The following SEC61A2 variants were observed in gnomAD, a reference collection of about 807,000 sequenced individuals.
SEC61A2 encodes protein transport protein Sec61 subunit alpha isoform 2.
Under a neutral mutation model 59.9 loss-of-function variants are expected in SEC61A2, and 28 were observed. The observed-to-expected ratio is 0.47, with a 90% CI of 0.35 to 0.64. The LOEUF (loss-of-function observed/expected upper bound fraction) is 0.64. SEC61A2 is among the 30% of genes least tolerant of loss of function. SEC61A2 has a pLI of 0.01. For synonymous variants in SEC61A2, 202 were observed against 214.4 expected (o/e 0.94, Z 0.50); for missense variants, 340 against 585.9 (o/e 0.58, Z 4.33).
At chr10:12,134,566 T>G (rs1833840417) in intron 2 of SEC61A2, among the ~76,000 whole-genome samples, 1 of 152,154 alleles carries the variant, frequency 6.6e-6, no homozygotes, top group South Asian at 2.1e-4. Flanking sequence ...TTATGAAAAG[T>G]AAAGAAACTT....
rs745753102 is a variant in SEC61A2, at chr10:12,155,961, C to T, written c.616+30C>T. The T allele has an allele frequency of 3.1e-6, 5 of 1,612,918 alleles. No homozygotes were observed. Among genetic ancestry groups the T allele is most frequent in the African/African-American group, 1.3e-5 (1 of 74,912 alleles). On this transcript the variant is annotated intron_variant, in intron 7 of 11. Coordinates refer to ENST00000298428, the MANE Select transcript of SEC61A2 (RefSeq NM_018144.4). The surrounding 1 kb of genome is among the most constrained non-coding windows in gnomAD (Gnocchi z 4.3). The stretch of plus-strand genomic sequence containing the variant: ...ATCGCACAGCGACTGCAACTGCACG[C>T]GTTTTGCTGGATGTGTGCTGGGAAC...
rs1376786699 is a variant in SEC61A2 at position 12,154,682 on chromosome 10, A to G, written c.463-1096A>G. On this transcript the variant is annotated intron_variant, in intron 6 of 11. Coordinates refer to ENST00000298428, the MANE Select transcript of SEC61A2 (RefSeq NM_018144.4). The surrounding 1 kb of genome is among the most constrained non-coding windows in gnomAD (Gnocchi z 5.2). ...ATTGAAACTCAGACTAAAAGCCTGT[A>G]AATAGACAAGTTAGGCTCTGTCCAA... 6.6e-6 allele frequency among the ~76,000 whole-genome samples: 1 copy of G among 152,246 alleles called. No individual in the cohort carries two copies. The highest frequency in any genetic ancestry group is 1.9e-4 in the East Asian group (1 of 5,206).
chr10:12,132,613 CAAA>C (rs58070623), intron 1 of SEC61A2, among the ~76,000 whole-genome samples: 128 of 135,214 alleles, frequency 9.5e-4, no homozygotes, highest in South Asian at 4.0e-3. Context: ...GACTCTGTCT[CAAA>C]AAAAAAAAAA....
At chr10:12,137,598 C>A (rs1293432116) in intron 3 of SEC61A2, among the ~76,000 whole-genome samples, 4 of 152,198 alleles carry the variant, frequency 2.6e-5, no homozygotes, top group Non-Finnish European at 1.5e-5. Flanking sequence ...AGCCACCACA[C>A]CCAGCCCAAT....
intron 3 of SEC61A2, among the ~76,000 whole-genome samples, chr10:12,138,606 T>TC (rs1564408054): frequency 6.6e-6 from 1 of 152,244 alleles, no homozygotes; most frequent in Non-Finnish European, 1.5e-5. Flanking sequence ...TTCTAGAGCT[T>TC]CATGTAAATG....
intron 3 of SEC61A2, among the ~76,000 whole-genome samples, chr10:12,137,305 T>G (rs1298540677): frequency 1.3e-5 from 2 of 152,140 alleles, no homozygotes; most frequent in African/African-American, 4.8e-5. Context: ...TTGATGATAG[T>G]GTTTTTTTGG....
intron 3 of SEC61A2, 49 bp downstream of exon 3, chr10:12,136,219 T>C (rs1184843303): frequency 8.3e-7 from 1 of 1,210,490 alleles, no homozygotes; most frequent in East Asian, 2.3e-5. Context: ...GTTCTAAGGT[T>C]TTGATTGGTT....
chr10:12,164,123 C>T lies in SEC61A2; in HGVS notation c.1245-145C>T, dbSNP rs1283946972. The T allele has an allele frequency of 1.2e-6, 1 of 833,976 alleles. No homozygotes were observed. The highest frequency in any genetic ancestry group is 1.8e-6 in the Non-Finnish European group (1 of 549,780). The allele number at this position is 833,976 out of a possible 1,614,324, so 51.7% of individuals were successfully genotyped here. ...TGTTCCCATGCCGTGCCCTGCACAC[C>T]CCTCCACACTGCAGCCTGTTCCCTC... On this transcript the variant is annotated intron_variant, in intron 11 of 11. Coordinates refer to ENST00000298428, the MANE Select transcript of SEC61A2 (RefSeq NM_018144.4). This position sits in a 1 kb window ranked among gnomAD's most constrained non-coding sequence, Gnocchi z 7.3.
chr10:12,148,900 C>A (rs1834212439), intron 4 of SEC61A2, among the ~76,000 whole-genome samples: 1 of 152,120 alleles, frequency 6.6e-6, no homozygotes, highest in South Asian at 2.1e-4. Context: ...GAGACGACAT[C>A]AAAAATCCCC....
In SEC61A2 at chr10:12,158,252, G is replaced by T; in HGVS notation, c.975+147G>T. ...TATAGCAGAGTTTAGTACTTATCTG[G>T]AAGAACTGGTAAGTGTTGCAGAAGT... On this transcript the variant is annotated intron_variant, in intron 9 of 11. Coordinates refer to ENST00000298428, the MANE Select transcript of SEC61A2 (RefSeq NM_018144.4). The surrounding 1 kb of genome is among the most constrained non-coding windows in gnomAD (Gnocchi z 5.7). The T allele has an allele frequency of 1.5e-6, 1 of 654,304 alleles. No homozygotes were observed. The highest frequency in any genetic ancestry group is 2.5e-6 in the Non-Finnish European group (1 of 393,450). 40.5% of individuals were successfully genotyped at this position (654,304 alleles called of 1,614,324 possible). A position where few individuals can be genotyped will look rare whatever the true frequency, so the allele number is the denominator to read the frequency against.
chr10:12,129,776 CCAG>C lies in SEC61A2; in HGVS notation c.-4_-2del, dbSNP rs1300610745. ...GGCCGCGGTTTCCCCCTGGGCCTCCCCAGCAGCAGCCATGGGCAGTGAGTAGCG... is the reference window on the plus strand; with the variant it reads ...GGCCGCGGTTTCCCCCTGGGCCTCCCCAGCAGCCATGGGCAGTGAGTAGCG... On this transcript the variant is annotated 5_prime_UTR_variant, in exon 1 of 12. Coordinates refer to ENST00000298428, the MANE Select transcript of SEC61A2 (RefSeq NM_018144.4). This position sits in a 1 kb window ranked among gnomAD's most constrained non-coding sequence, Gnocchi z 5.6. 3 of 1,485,004 alleles carry C rather than the reference CCAG, an allele frequency of 2.0e-6. No homozygotes were observed. Among genetic ancestry groups the C allele is most frequent in the Admixed American group, 2.4e-5 (1 of 42,284 alleles). 92.0% of individuals were successfully genotyped at this position (1,485,004 alleles called of 1,614,324 possible).
intron 6 of SEC61A2, among the ~76,000 whole-genome samples, chr10:12,150,692 A>G (rs976847854): frequency 1.3e-5 from 2 of 152,240 alleles, no homozygotes; most frequent in African/African-American, 4.8e-5. Flanking sequence ...TTATACACAC[A>G]TAAATATATT....
At chr10:12,167,522 T>G (rs890443334), downstream of SEC61A2, 9 of 564,718 alleles carry the variant, frequency 1.6e-5, no homozygotes, top group African/African-American at 1.7e-4. Context: ...TATAACAAAT[T>G]TAAAGGAAGG....
At position 12,147,701 on chromosome 10, in the gene SEC61A2, T is replaced by A. The variant is rs796382212; in HGVS notation, c.221-1894T>A. 8.7e-3 allele frequency among the ~76,000 whole-genome samples: 1,310 copies of A among 150,690 alleles called. 22 individuals carry two copies. Among genetic ancestry groups the A allele is most frequent in the African/African-American group, 0.03 (1,230 of 41,054 alleles). ...CTGTCTAAAAAAAAAAAAAAAAAAA[T>A]TTCTATACATGTAGCATTTGTTTTG... On this transcript the variant is annotated intron_variant, in intron 4 of 11. Coordinates refer to ENST00000298428, the MANE Select transcript of SEC61A2 (RefSeq NM_018144.4).
Position 12,162,093 on chromosome 10 carries a change from C to G in SEC61A2, c.1168-120C>G. 1.3e-6 allele frequency: 1 copy of G among 773,838 alleles called. No individual in the cohort carries two copies. The highest frequency in any genetic ancestry group is 2.3e-6 in the Non-Finnish European group (1 of 443,256). 47.9% of individuals were successfully genotyped at this position (773,838 alleles called of 1,614,324 possible). ...GCTTAATGCGAATGATATGACAATG[C>G]AACTTTCAGGTTATTGTATGTTACG... On this transcript the variant is annotated intron_variant, in intron 10 of 11. Coordinates refer to ENST00000298428, the MANE Select transcript of SEC61A2 (RefSeq NM_018144.4). This position sits in a 1 kb window ranked among gnomAD's most constrained non-coding sequence, Gnocchi z 6.1.
chr10:12,144,415 A>G (rs1191551011), intron 4 of SEC61A2, among the ~76,000 whole-genome samples: 2 of 152,204 alleles, frequency 1.3e-5, no homozygotes, highest in East Asian at 1.9e-4. Flanking sequence ...AATATCTTAC[A>G]TGAGCTATTA....
downstream of SEC61A2, chr10:12,167,551 T>G (rs1220475971): frequency 5.9e-6 from 4 of 673,168 alleles, no homozygotes; most frequent in African/African-American, 3.7e-5. Context: ...TACCTGTAAT[T>G]ACAATTCCAT....
At chr10:12,130,791 C>T (rs1302862493) in intron 1 of SEC61A2, 1 of 153,940 alleles carries the variant, frequency 6.5e-6, no homozygotes, top group Non-Finnish European at 1.5e-5. Flanking sequence ...TCAATTACTT[C>T]TCAAAAACCG....
intron 4 of SEC61A2, among the ~76,000 whole-genome samples, chr10:12,144,675 A>C (rs1834099538): frequency 6.6e-6 from 1 of 152,162 alleles, no homozygotes; most frequent in Non-Finnish European, 1.5e-5. Context: ...AGGAGGCCAC[A>C]TGAAGACCTG....
Sources: gnomAD v4.1 joint callset for allele counts (sites outside exome capture counted in the v4.1 genomes callset) on GRCh38, gnomAD v4.1.1 for gene constraint, Gnocchi (gnomAD v3.1) non-coding constraint, MANE v1.5 for transcripts, NCBI Gene and HGNC (gene_info 2026-07-23, HGNC 2026-07-21) for gene names.